PREX2: variants seen among roughly 807,000 people sequenced by gnomAD.
PREX2 encodes the protein phosphatidylinositol-3,4,5-trisphosphate dependent Rac exchange factor 2, also known as phosphatidylinositol 3,4,5-trisphosphate-dependent Rac exchanger 2 protein.
In PREX2, 107 loss-of-function variants were observed where a neutral mutation model predicts 203.2. The ratio of observed to expected loss-of-function variants is 0.53; its 90% CI spans 0.45 to 0.62. The LOEUF (loss-of-function observed/expected upper bound fraction) is 0.62. Ranked by LOEUF, PREX2 falls within the 20% of genes least tolerant of loss-of-function variation. The probability of loss-of-function intolerance (pLI) is 0.00; values close to 1 mark genes in which losing one functional copy is unlikely to be tolerated. For synonymous variants in PREX2, 672 were observed against 663.6 expected (o/e 1.01, Z -0.19); for missense variants, 1,777 against 1,955.9 (o/e 0.91, Z 1.72).
intron 34 of PREX2, among the ~76,000 whole-genome samples, chr8:68,155,180 A>G (rs1811517679): frequency 6.6e-6 from 1 of 152,150 alleles, no homozygotes; most frequent in Non-Finnish European, 1.5e-5. Context: ...GCTGACTTGC[A>G]GAAGCCTTTA....
intron 6 of PREX2, among the ~76,000 whole-genome samples, chr8:68,033,838 A>G (rs1807953996): frequency 6.6e-6 from 1 of 152,128 alleles, no homozygotes; most frequent in Non-Finnish European, 1.5e-5. Flanking sequence ...ATGAGTTATA[A>G]TCATCTCCAC....
At chr8:68,031,393 G>T (rs1370913226) in intron 6 of PREX2, among the ~76,000 whole-genome samples, 2 of 152,078 alleles carry the variant, frequency 1.3e-5, no homozygotes, top group African/African-American at 4.8e-5. Context: ...AAGCAATTAA[G>T]ATAATTTTTA....
intron 37 of PREX2, among the ~76,000 whole-genome samples, chr8:68,198,768 G>T (rs1812447051): frequency 6.6e-6 from 1 of 152,186 alleles, no homozygotes; most frequent in South Asian, 2.1e-4. Context: ...GAAATTTCTA[G>T]TGAAGGTGAG....
Position 68,078,101 on chromosome 8 carries a change from A to G in PREX2, c.1642+632A>G, listed in dbSNP as rs201983670. ...TTAGATTTATCAGGGTAATGATAGC[A>G]AGCTTTTCCTGTTCGTAACATCATA... On this transcript the variant is annotated intron_variant, in intron 15 of 39. Coordinates refer to ENST00000288368, the MANE Select transcript of PREX2 (RefSeq NM_024870.4). 9.2e-5 allele frequency among the ~76,000 whole-genome samples: 14 copies of G among 152,294 alleles called. No homozygotes were observed. The East Asian group carries it at 1.9e-3, about 21-fold the overall frequency.
intron 30 of PREX2, among the ~76,000 whole-genome samples, chr8:68,124,113 T>A (rs113289964): frequency 0.022 from 3,285 of 152,218 alleles, 103 homozygotes; most frequent in African/African-American, 0.066. Flanking sequence ...TGGTTCAACA[T>A]ACTCAAATCA....
intron 37 of PREX2, among the ~76,000 whole-genome samples, chr8:68,203,647 T>C (rs1395466062): frequency 6.6e-6 from 1 of 152,142 alleles, no homozygotes; most frequent in Non-Finnish European, 1.5e-5. Flanking sequence ...AGCTGCCAAC[T>C]ATAGAAGTTG....
chr8:68,157,266 C>T (rs779754461), intron 34 of PREX2, 56 bp from the exon 35 acceptor site: 77 of 847,402 alleles, frequency 9.1e-5, no homozygotes, highest in Non-Finnish European at 1.3e-4. Context: ...TTATACTACA[C>T]GTGGAGAAAT....
chr8:68,103,061 T>A (rs1810310556), intron 23 of PREX2: 2 of 455,872 alleles, frequency 4.4e-6, no homozygotes, highest in Admixed American at 4.7e-5. Flanking sequence ...GTATTGGGAG[T>A]ACTTCCTAGA....
intron 32 of PREX2, 89 bp downstream of exon 32, chr8:68,134,365 C>A (rs976902743): frequency 2.6e-5 from 27 of 1,040,724 alleles, no homozygotes; most frequent in Non-Finnish European, 3.6e-5. Flanking sequence ...ATTTCTTTCC[C>A]GCTGGTTATC....
At chr8:68,176,273 T>C (rs1242043836) in intron 35 of PREX2, among the ~76,000 whole-genome samples, 1 of 152,228 alleles carries the variant, frequency 6.6e-6, no homozygotes, top group East Asian at 1.9e-4. Context: ...ATGACATTCA[T>C]TGCATATCTT....
intron 14 of PREX2, among the ~76,000 whole-genome samples, chr8:68,076,311 GC>G (rs1340672401): frequency 2.6e-5 from 4 of 152,202 alleles, no homozygotes; most frequent in Non-Finnish European, 5.9e-5. Flanking sequence ...ACAAAAATTA[GC>G]CGGGTGTGTT....
chr8:68,235,242 A>G lies in PREX2; in HGVS notation c.*3864A>G, dbSNP rs773489725. 3.3e-5 allele frequency: 5 copies of G among 152,164 alleles called. No homozygotes were observed. The highest frequency in any genetic ancestry group is 4.4e-5 in the Non-Finnish European group (3 of 68,012). The allele number at this position is 152,164 out of a possible 1,614,324, so 9.4% of individuals were successfully genotyped here. On this transcript the variant is annotated 3_prime_UTR_variant, in exon 40 of 40. Coordinates refer to ENST00000288368, the MANE Select transcript of PREX2 (RefSeq NM_024870.4). Reference sequence around the variant, plus strand: ...ATTGAAATTTAAAATGAATAGTCTTACTTTAAGGTCACTTTTACTTTACAT... The same window carrying G: ...ATTGAAATTTAAAATGAATAGTCTTGCTTTAAGGTCACTTTTACTTTACAT...
chr8:68,103,764 C>T (rs541882220), intron 23 of PREX2: 7 of 517,896 alleles, frequency 1.4e-5, no homozygotes, highest in South Asian at 8.4e-5. Flanking sequence ...CGTGACCCCA[C>T]ATATGCCTGG....
intron 3 of PREX2, among the ~76,000 whole-genome samples, chr8:68,019,991 G>A (rs1308269668): frequency 6.6e-6 from 1 of 152,146 alleles, no homozygotes; most frequent in African/African-American, 2.4e-5. Flanking sequence ...CAAACATAGA[G>A]CATTTTTCTT....
At chr8:68,166,171 G>T (rs1037837215) in intron 35 of PREX2, among the ~76,000 whole-genome samples, 2 of 152,170 alleles carry the variant, frequency 1.3e-5, no homozygotes, top group African/African-American at 4.8e-5. Flanking sequence ...AAGAGAGAGG[G>T]TTTGAAAAAC....
At chr8:68,209,224 T>C (rs1335866906) in intron 37 of PREX2, among the ~76,000 whole-genome samples, 3 of 152,114 alleles carry the variant, frequency 2.0e-5, no homozygotes, top group Non-Finnish European at 4.4e-5. Flanking sequence ...AGATAGTCAT[T>C]ATTCCTTTCT....
chr8:68,137,994 AT>A (rs1174623355), intron 32 of PREX2, among the ~76,000 whole-genome samples: 4 of 152,248 alleles, frequency 2.6e-5, no homozygotes, highest in African/African-American at 9.6e-5. Context: ...TCATTATAAA[AT>A]AGGATAGCTA....
chr8:68,020,640 G>A (rs76563548), intron 3 of PREX2, among the ~76,000 whole-genome samples: 3,852 of 152,250 alleles, frequency 0.025, 147 homozygotes, highest in African/African-American at 0.087. Context: ...GTCTCATTGG[G>A]TATAGGAAGA....
At position 68,097,067 on chromosome 8, in the gene PREX2, C is replaced by A. The variant is rs200498074; in HGVS notation, c.2419C>A (p.His807Asn). Residue 807 changes from histidine to asparagine, a missense_variant, in exon 22 of 40, where the codon CAT becomes AAT. By Grantham distance (68) the His-to-Asn change is moderately conservative. Transcript: ENST00000288368. ...TMAIIDGKKE[H>N]VSLTVDNVHL... ...GGCCATCATTGATGGGAAGAAGGAGCATGTGAGTCTGACAGTGGACAATGT... is the reference window on the plus strand; with the variant it reads ...GGCCATCATTGATGGGAAGAAGGAGAATGTGAGTCTGACAGTGGACAATGT... 6.2e-7 allele frequency: 1 copy of A among 1,613,696 alleles called. No individual in the cohort carries two copies. The highest frequency in any genetic ancestry group is 8.5e-7 in the Non-Finnish European group (1 of 1,179,852).
Sources: gnomAD v4.1 joint callset for allele counts (sites outside exome capture counted in the v4.1 genomes callset) on GRCh38, gnomAD v4.1.1 for gene constraint, MANE v1.5 for transcripts, NCBI Gene and HGNC (gene_info 2026-07-23, HGNC 2026-07-21) for gene names.